The following SYN3 variants were observed in gnomAD, a reference collection of about 807,000 sequenced individuals.
SYN3 encodes the protein synapsin-3.
A neutral mutation model predicts 65.8 loss-of-function variants in SYN3; 35 were observed. The ratio of observed to expected loss-of-function variants is 0.53; its 90% CI spans 0.41 to 0.70. SYN3 has a LOEUF of 0.70. SYN3 is among the 30% of genes least tolerant of loss of function. SYN3 has a pLI of 0.00. For missense variants in SYN3, 680 were observed against 749.0 expected, an observed-to-expected ratio of 0.91 and a Z score of 1.08; for synonymous variants, 270 against 292.9, an observed-to-expected ratio of 0.92 and a Z score of 0.80.
chr22:32,902,912 C>A (rs1182105163), intron 4 of SYN3, among the ~76,000 whole-genome samples: 1 of 150,386 alleles, frequency 6.6e-6, no homozygotes, highest in Non-Finnish European at 1.5e-5. Flanking sequence ...ATGTATTTTA[C>A]TGAGGAGGAC....
intron 10 of SYN3, among the ~76,000 whole-genome samples, chr22:32,530,640 C>T (rs2058052878): frequency 6.6e-6 from 1 of 151,538 alleles, no homozygotes; most frequent in Non-Finnish European, 1.5e-5. Flanking sequence ...AAGACCCTTC[C>T]AGCTGGGACT....
intron 2 of SYN3, among the ~76,000 whole-genome samples, chr22:32,991,997 A>T (rs2052729583): frequency 6.6e-6 from 1 of 152,230 alleles, no homozygotes; most frequent in Non-Finnish European, 1.5e-5. Flanking sequence ...CTCAGGCAGA[A>T]ATCTACTCCA....
chr22:32,534,689 G>A (rs1384902481), intron 9 of SYN3, among the ~76,000 whole-genome samples: 1 of 152,180 alleles, frequency 6.6e-6, no homozygotes, highest in Non-Finnish European at 1.5e-5. Context: ...CTGTGTCAAT[G>A]TTCTTGCTTC....
At chr22:32,664,991 CTTTTTTTT>C (rs564943069) in intron 6 of SYN3, among the ~76,000 whole-genome samples, 1 of 68,948 alleles carries the variant, frequency 1.5e-5, no homozygotes, top group Non-Finnish European at 2.5e-5. Context: ...ATGTATAATT[CTTTTTTTT>C]TTTTTTTTTT....
At chr22:32,891,494 C>T (rs1207127000) in intron 4 of SYN3, among the ~76,000 whole-genome samples, 1 of 152,128 alleles carries the variant, frequency 6.6e-6, no homozygotes, top group South Asian at 2.1e-4. Context: ...GTCTGAAGAG[C>T]GCTCAGCATT....
intron 6 of SYN3, among the ~76,000 whole-genome samples, chr22:32,796,962 G>A (rs1034424423): frequency 2.0e-5 from 3 of 152,188 alleles, no homozygotes; most frequent in Non-Finnish European, 4.4e-5. Context: ...CAGCTCAGGG[G>A]TGGAGGAGCT....
At chr22:32,741,003 G>A (rs983322454) in intron 6 of SYN3, among the ~76,000 whole-genome samples, 3 of 152,130 alleles carry the variant, frequency 2.0e-5, no homozygotes, top group African/African-American at 7.2e-5. Flanking sequence ...ACAGTAGGGT[G>A]GGCACTGTAG....
rs2057675684 is a variant in SYN3, at chr22:32,510,160, TG to T, written c.*3531del. Among the ~76,000 whole-genome samples the T allele has an allele frequency of 6.6e-6, 1 of 152,214 alleles. No individual in the cohort carries two copies. Among genetic ancestry groups the T allele is most frequent in the Admixed American group, 6.5e-5 (1 of 15,284 alleles). On this transcript the variant is annotated 3_prime_UTR_variant, in exon 14 of 14. Transcript: ENST00000358763. ...TAAAGGAGTGGGTTCGTAGCTGCGT[TG>T]GAGACTGCAGCACACCCGTAGCAGT...
intron 6 of SYN3, among the ~76,000 whole-genome samples, chr22:32,702,808 T>C (rs1197005428): frequency 6.6e-6 from 1 of 152,254 alleles, no homozygotes; most frequent in Non-Finnish European, 1.5e-5. Flanking sequence ...TGAAAAATTT[T>C]ATAAAATATT....
At chr22:32,541,823 C>G in intron 7 of SYN3, 110 bp from the exon 8 acceptor site, 1 of 1,287,324 alleles carries the variant, frequency 7.8e-7, no homozygotes, top group Non-Finnish European at 1.1e-6. Context: ...TTCAGAAGGT[C>G]ACCTGCTGGC....
chr22:32,796,072 G>C (rs954307596), intron 6 of SYN3, among the ~76,000 whole-genome samples: 1 of 152,164 alleles, frequency 6.6e-6, no homozygotes, highest in Non-Finnish European at 1.5e-5. Flanking sequence ...GGAGCTACTC[G>C]TTTTTAAAGG....
At chr22:32,770,038 C>T (rs73881795) in intron 6 of SYN3, among the ~76,000 whole-genome samples, 5 of 152,202 alleles carry the variant, frequency 3.3e-5, no homozygotes, top group African/African-American at 7.2e-5. Context: ...TTCTAGCCCC[C>T]CTGACTGTTC....
At chr22:32,537,165 C>A (rs1186493421) in intron 9 of SYN3, among the ~76,000 whole-genome samples, 2 of 151,992 alleles carry the variant, frequency 1.3e-5, no homozygotes, top group Non-Finnish European at 2.9e-5. Flanking sequence ...ACCCTTCCCC[C>A]CCTTTTTTTT....
In SYN3 at chr22:32,657,122, C is replaced by CT. The variant is rs796578018; in HGVS notation, c.712-60387dup. Among the ~76,000 whole-genome samples the CT allele has an allele frequency of 6.1e-3, 908 of 148,176 alleles. 10 individuals are homozygous for CT. Among genetic ancestry groups the CT allele is most frequent in the African/African-American group, 0.022 (871 of 40,070 alleles). ...GCCCTCCTGAGCCACCCTCACTTCT[C>CT]TTTTCTTTTTTTTCTTTTTGAGACG... On this transcript the variant is annotated intron_variant, in intron 6 of 13. Transcript: ENST00000358763.
intron 1 of SYN3, among the ~76,000 whole-genome samples, chr22:33,040,422 A>C (rs35190025): frequency 3.9e-5 from 6 of 152,188 alleles, no homozygotes; most frequent in African/African-American, 1.4e-4. Flanking sequence ...TTCATGGACC[A>C]CAGCAAAACT....
intron 6 of SYN3, among the ~76,000 whole-genome samples, chr22:32,691,106 A>G (rs913350210): frequency 3.9e-5 from 6 of 152,126 alleles, no homozygotes; most frequent in African/African-American, 1.4e-4. Context: ...TTTCTCTCCT[A>G]CAGAACGTCA....
chr22:32,851,082 C>T (rs1258773236), intron 6 of SYN3, among the ~76,000 whole-genome samples: 1 of 152,296 alleles, frequency 6.6e-6, no homozygotes, highest in East Asian at 1.9e-4. Context: ...CTTATGTCTT[C>T]AGACAGCCCT....
intron 6 of SYN3, among the ~76,000 whole-genome samples, chr22:32,784,129 C>T (rs1268262963): frequency 6.6e-6 from 1 of 152,180 alleles, no homozygotes; most frequent in Non-Finnish European, 1.5e-5. Context: ...TTGTCATTCT[C>T]TCTACTCTGT....
chr22:32,869,554 G>A (rs929261483), intron 4 of SYN3, among the ~76,000 whole-genome samples: 1 of 151,974 alleles, frequency 6.6e-6, no homozygotes, highest in Non-Finnish European at 1.5e-5. Flanking sequence ...TTTCACAAAC[G>A]AGCACCCTGA....
Sources: gnomAD v4.1 joint callset for allele counts (sites outside exome capture counted in the v4.1 genomes callset) on GRCh38, gnomAD v4.1.1 for gene constraint, MANE v1.5 for transcripts, NCBI Gene and HGNC (gene_info 2026-07-23, HGNC 2026-07-21) for gene names.